Variants in DACH2 observed in about 807,000 individuals in gnomAD.
DACH2 encodes dachshund homolog 2.
In DACH2, 17 loss-of-function variants were observed where a neutral mutation model predicts 35.8. That is an observed-to-expected ratio of 0.48 (90% confidence interval 0.33 to 0.71). The LOEUF is 0.71. Among genes scored for constraint, DACH2 ranks in the 30% least tolerant of loss-of-function variants. The pLI, the probability that DACH2 is intolerant of heterozygous loss-of-function variation, is 0.02. For synonymous variants in DACH2, 195 were observed against 177.3 expected (o/e 1.10, Z -0.79); for missense variants, 469 against 472.7 (o/e 0.99, Z 0.07).
intron 3 of DACH2, among the ~76,000 whole-genome samples, chrX:86,610,086 C>T (rs768332603): frequency 5.4e-5 from 6 of 111,870 alleles, no homozygotes; most frequent in Non-Finnish European, 1.1e-4. Flanking sequence ...GTTCTAAGTG[C>T]CATCCAGCAG....
intron 1 of DACH2, among the ~76,000 whole-genome samples, chrX:86,297,942 T>C (rs6623640): frequency 0.48 from 52,772 of 110,462 alleles, 9,629 homozygotes; most frequent in Non-Finnish European, 0.58. Flanking sequence ...ATAGTTACTC[T>C]AAGAATGACA....
chrX:86,635,453 C>T (rs947168377), intron 3 of DACH2, among the ~76,000 whole-genome samples: 2 of 110,954 alleles, frequency 1.8e-5, no homozygotes, highest in South Asian at 3.8e-4. Context: ...AGAAGCATTC[C>T]CCTTGAAAAC....
intron 7 of DACH2, among the ~76,000 whole-genome samples, chrX:86,767,934 T>C (rs1237756820): frequency 1.8e-5 from 2 of 111,178 alleles, no homozygotes; most frequent in Non-Finnish European, 3.8e-5. Context: ...TGTTTGTTTG[T>C]TGTTTGTTTT....
chrX:86,805,524 T>C (rs1468722365), intron 7 of DACH2, among the ~76,000 whole-genome samples: 1 of 111,687 alleles, frequency 9.0e-6, no homozygotes, highest in African/African-American at 3.3e-5. Context: ...TGCAAATTTC[T>C]TCAGCCCACT....
intron 3 of DACH2, among the ~76,000 whole-genome samples, chrX:86,645,561 G>T (rs2040405484): frequency 9.1e-6 from 1 of 110,490 alleles, no homozygotes; most frequent in Non-Finnish European, 1.9e-5. Flanking sequence ...TATATACCCA[G>T]AAGAATATAA....
At chrX:86,710,878 G>A (rs1447191623) in intron 5 of DACH2, among the ~76,000 whole-genome samples, 1 of 111,893 alleles carries the variant, frequency 8.9e-6, no homozygotes, top group Non-Finnish European at 1.9e-5. Context: ...GGAAGATAGG[G>A]TACTTGTATC....
At chrX:86,534,187 A>G (rs1294930595) in intron 3 of DACH2, among the ~76,000 whole-genome samples, 3 of 111,917 alleles carry the variant, frequency 2.7e-5, no homozygotes, top group Non-Finnish European at 3.8e-5. Context: ...TATAAGGCAA[A>G]TCAAAACAAA....
At chrX:86,391,883 C>G (rs1319404661) in intron 2 of DACH2, among the ~76,000 whole-genome samples, 1 of 111,271 alleles carries the variant, frequency 9.0e-6, no homozygotes, top group African/African-American at 3.3e-5. Context: ...AATTCTGAAT[C>G]TTATTCTAGA....
intron 1 of DACH2, among the ~76,000 whole-genome samples, chrX:86,221,444 C>T (rs1602298523): frequency 8.9e-6 from 1 of 111,844 alleles, no homozygotes; most frequent in South Asian, 3.7e-4. Flanking sequence ...CTAGTGCCAT[C>T]CTGTTTTAAT....
intron 1 of DACH2, among the ~76,000 whole-genome samples, chrX:86,344,884 G>A (rs562663832): frequency 1.3e-4 from 14 of 111,195 alleles, no homozygotes; most frequent in African/African-American, 4.6e-4. Flanking sequence ...GCCCATTAAT[G>A]TTCAACCACC....
At chrX:86,659,068 C>T (rs1288605156) in intron 4 of DACH2, among the ~76,000 whole-genome samples, 1 of 111,108 alleles carries the variant, frequency 9.0e-6, no homozygotes, top group African/African-American at 3.3e-5. Flanking sequence ...CCAAGATTGC[C>T]TTCTTTCTTT....
chrX:86,289,511 G>A (rs956113604), intron 1 of DACH2, among the ~76,000 whole-genome samples: 7 of 106,831 alleles, frequency 6.6e-5, no homozygotes, highest in Admixed American at 1.0e-4. Context: ...AAGCTGGTGC[G>A]CTGCACCCAC....
chrX:86,596,958 A>G (rs1365718700), intron 3 of DACH2, among the ~76,000 whole-genome samples: 1 of 111,042 alleles, frequency 9.0e-6, no homozygotes, highest in African/African-American at 3.3e-5. Flanking sequence ...TTATAGGTCT[A>G]TTATTGGATT....
intron 1 of DACH2, among the ~76,000 whole-genome samples, chrX:86,333,440 C>T (rs1466866972): frequency 2.7e-5 from 3 of 111,361 alleles, no homozygotes; most frequent in African/African-American, 9.8e-5. Flanking sequence ...CCTTGCTGAC[C>T]TTCTCACACT....
chrX:86,314,508 ACT>A (rs1219948576), intron 1 of DACH2, among the ~76,000 whole-genome samples: 3 of 110,554 alleles, frequency 2.7e-5, no homozygotes, highest in Non-Finnish European at 5.7e-5. Context: ...ACACATCAAG[ACT>A]CTGTGTGTTA....
At chrX:86,470,665 A>G in intron 2 of DACH2, among the ~76,000 whole-genome samples, 1 of 111,184 alleles carries the variant, frequency 9.0e-6, no homozygotes, top group Non-Finnish European at 1.9e-5. Context: ...GTGAGGGATG[A>G]GAAATTACCT....
chrX:86,205,490 CTCCTTCCTTCCT>C (rs1199616660), intron 1 of DACH2, among the ~76,000 whole-genome samples: 921 of 23,315 alleles, frequency 0.04, 27 homozygotes, highest in Non-Finnish European at 0.057. Context: ...CCCTCCTTCC[CTCCTTCCTTCCT>C]TCCTTCCTTC....
chrX:86,287,030 G>T, intron 1 of DACH2, among the ~76,000 whole-genome samples: 1 of 111,384 alleles, frequency 9.0e-6, no homozygotes, highest in Middle Eastern at 4.6e-3. Context: ...CTCATTGAAA[G>T]ACTTCATTTA....
intron 3 of DACH2, 77 bp downstream of exon 3, chrX:86,514,468 C>T: frequency 1.1e-6 from 1 of 913,996 alleles, no homozygotes; most frequent in Admixed American, 3.0e-5. Flanking sequence ...ATTGATCTAA[C>T]TGCCTTGTCC....
Sources: allele counts gnomAD v4.1 joint callset (sites outside exome capture counted in the v4.1 genomes callset), GRCh38; gene constraint gnomAD v4.1.1; transcripts MANE v1.5; gene names NCBI Gene and HGNC (gene_info 2026-07-23, HGNC 2026-07-21).